Variants in IGSF21 observed in about 807,000 individuals in gnomAD.
IGSF21 encodes immunoglobulin superfamily member 21.
IGSF21 carries 28 observed loss-of-function variants against 46.8 expected under a neutral mutation model. That is an observed-to-expected ratio of 0.60 (90% CI 0.44 to 0.82). The LOEUF is 0.82. Among genes scored for constraint, IGSF21 ranks in the 40% least tolerant of loss-of-function variants. The pLI is 0.00. For missense variants in IGSF21, 624 were observed against 665.5 expected (o/e 0.94, Z 0.69); for synonymous variants, 284 against 273.6 (o/e 1.04, Z -0.38).
At chr1:18,278,710 T>C in intron 2 of IGSF21, 1 of 402,020 alleles carries the variant, frequency 2.5e-6, no homozygotes, top group Non-Finnish European at 5.0e-6. Context: ...CATACCACCA[T>C]GCCTGGCTAA....
intron 3 of IGSF21, among the ~76,000 whole-genome samples, chr1:18,298,539 G>C (rs2124572487): frequency 6.6e-6 from 1 of 152,324 alleles, no homozygotes; most frequent in Middle Eastern, 3.4e-3. Flanking sequence ...GGAACAGCTG[G>C]GCGGGGCAGG....
chr1:18,139,617 A>G (rs1290598686), intron 1 of IGSF21, among the ~76,000 whole-genome samples: 2 of 152,208 alleles, frequency 1.3e-5, no homozygotes, highest in African/African-American at 2.4e-5. Context: ...GCTCTGGGAC[A>G]GGTCTCTGGG....
In IGSF21 at chr1:18,204,074, T is replaced by C. The variant is rs543183978; in HGVS notation, c.71-23824T>C. ...TGGGTATTCCATACACCAGACAGAA[T>C]GTGCCTGGCAGCGCTTAGCACATGG... is the stretch of plus-strand genomic sequence containing the variant. On this transcript the variant is annotated intron_variant, in intron 1 of 9. Transcript: ENST00000251296. Among the ~76,000 whole-genome samples the C allele has an allele frequency of 6.2e-4, 95 of 152,310 alleles. 1 individual carries two copies. Among genetic ancestry groups the C allele is most frequent in the African/African-American group, 2.2e-3 (92 of 41,566 alleles).
chr1:18,170,774 G>A (rs1557569587), intron 1 of IGSF21, among the ~76,000 whole-genome samples: 1 of 152,018 alleles, frequency 6.6e-6, no homozygotes, highest in Non-Finnish European at 1.5e-5. Flanking sequence ...ATCTCACTTG[G>A]CTGGGCACAC....
At chr1:18,301,320 TTTTGTTTGTTTGTTTG>T (rs71575879) in intron 3 of IGSF21, among the ~76,000 whole-genome samples, 13 of 150,716 alleles carry the variant, frequency 8.6e-5, no homozygotes, top group African/African-American at 1.5e-4. Flanking sequence ...ATGGTAATTG[TTTTGTTTGTTTGTTTG>T]TTTGTTTGTT....
intron 1 of IGSF21, among the ~76,000 whole-genome samples, chr1:18,119,064 G>C (rs2086211448): frequency 1.3e-5 from 2 of 152,068 alleles, no homozygotes; most frequent in African/African-American, 4.8e-5. Flanking sequence ...GATTGGAACA[G>C]TGCAGCTCTA....
intron 1 of IGSF21, among the ~76,000 whole-genome samples, chr1:18,145,236 G>A (rs2086455038): frequency 6.6e-6 from 1 of 151,900 alleles, no homozygotes; most frequent in Non-Finnish European, 1.5e-5. Context: ...AGTCATTTTT[G>A]TGGCTAGATG....
intron 1 of IGSF21, among the ~76,000 whole-genome samples, chr1:18,198,690 G>A (rs2087034699): frequency 6.6e-6 from 1 of 152,130 alleles, no homozygotes. Flanking sequence ...TCAAGAGAGA[G>A]AGAGAGAGCA....
chr1:18,208,722 C>A (rs1002296555), intron 1 of IGSF21, among the ~76,000 whole-genome samples: 2 of 151,730 alleles, frequency 1.3e-5, no homozygotes, highest in Admixed American at 1.3e-4. Context: ...ATCTTAATAC[C>A]AATAACAGAC....
chr1:18,341,501 T>C (rs1356642368), intron 4 of IGSF21, among the ~76,000 whole-genome samples: 1 of 152,188 alleles, frequency 6.6e-6, no homozygotes, highest in African/African-American at 2.4e-5. Context: ...GCTGACACTC[T>C]CTGCTCCCAA....
intron 4 of IGSF21, among the ~76,000 whole-genome samples, chr1:18,359,354 G>GAAAGA (rs1256411517): frequency 1.7e-5 from 1 of 60,086 alleles, no homozygotes; most frequent in African/African-American, 6.0e-5. Context: ...AAGAAAGAAA[G>GAAAGA]AAAGAAAGAA....
intron 1 of IGSF21, among the ~76,000 whole-genome samples, chr1:18,150,647 C>A (rs12408479): frequency 0.3 from 45,227 of 151,944 alleles, 7,329 homozygotes; most frequent in East Asian, 0.51. Flanking sequence ...ACATTTGACC[C>A]CTTTCTCCTC....
At chr1:18,248,050 C>A (rs1233299405) in intron 2 of IGSF21, among the ~76,000 whole-genome samples, 1 of 152,254 alleles carries the variant, frequency 6.6e-6, no homozygotes, top group Admixed American at 6.5e-5. Flanking sequence ...AAAGCATCTA[C>A]ACTGGCAAGG....
Position 18,335,515 on chromosome 1 carries a change from T to G in IGSF21, c.424+505T>G, listed in dbSNP as rs904067225. ...AATAATACTGGTGTCTGTCTCTAGC[T>G]GGCTGGGTCCTTGGGTAAGTCTATC... On this transcript the variant is annotated intron_variant, in intron 4 of 9. Coordinates refer to ENST00000251296, the MANE Select transcript of IGSF21 (RefSeq NM_032880.5). The surrounding 1 kb of genome is among the most constrained non-coding windows in gnomAD (Gnocchi z 4.8). Among the ~76,000 whole-genome samples, 2 of 152,204 alleles carry G rather than the reference T, an allele frequency of 1.3e-5. No homozygotes were observed. Among genetic ancestry groups the G allele is most frequent in the African/African-American group, 2.4e-5 (1 of 41,450 alleles).
intron 2 of IGSF21, among the ~76,000 whole-genome samples, chr1:18,242,173 C>T (rs994534969): frequency 1.3e-5 from 2 of 152,212 alleles, no homozygotes; most frequent in Admixed American, 6.5e-5. Flanking sequence ...AGAGATGACA[C>T]AGGCAGCACG....
intron 3 of IGSF21, among the ~76,000 whole-genome samples, chr1:18,303,270 C>T (rs78926733): frequency 0.016 from 2,431 of 152,302 alleles, 25 homozygotes; most frequent in Middle Eastern, 0.034. Flanking sequence ...CAAACCCTAG[C>T]AACCATCCTG....
chr1:18,188,463 A>T (rs2086925101), intron 1 of IGSF21, among the ~76,000 whole-genome samples: 1 of 152,184 alleles, frequency 6.6e-6, no homozygotes, highest in Admixed American at 6.5e-5. Flanking sequence ...GAGACTAGGA[A>T]CTCTCACCAC....
intron 3 of IGSF21, among the ~76,000 whole-genome samples, chr1:18,318,478 G>GTA (rs1387487631): frequency 6.6e-6 from 1 of 151,032 alleles, no homozygotes; most frequent in East Asian, 1.9e-4. Flanking sequence ...GTGTGTGTGT[G>GTA]TGTGTGTGTG....
At chr1:18,176,030 G>A (rs1486862018) in intron 1 of IGSF21, 1 of 152,180 alleles carries the variant, frequency 6.6e-6, no homozygotes, top group Non-Finnish European at 1.5e-5. Flanking sequence ...CCTCTGCCTT[G>A]TGAAGGAGGG....
Sources: gnomAD v4.1 joint callset for allele counts (sites outside exome capture counted in the v4.1 genomes callset) on GRCh38, gnomAD v4.1.1 for gene constraint, Gnocchi (gnomAD v3.1) non-coding constraint, MANE v1.5 for transcripts, NCBI Gene and HGNC (gene_info 2026-07-23, HGNC 2026-07-21) for gene names.